CNOT2: variants seen among roughly 807,000 people sequenced by gnomAD.
CNOT2 encodes the protein CC chemokine receptor 4-negative regulator of transcription 2.
CNOT2 carries 7 observed loss-of-function variants against 72.1 expected under a neutral mutation model. The ratio of observed to expected loss-of-function variants is 0.10; its 90% CI spans 0.06 to 0.18. The LOEUF (loss-of-function observed/expected upper bound fraction) is 0.18. CNOT2 is among the 10% of genes least tolerant of loss of function. The pLI, the probability that CNOT2 is intolerant of heterozygous loss-of-function variation, is 1.00. For synonymous variants in CNOT2, 196 were observed against 225.6 expected, an observed-to-expected ratio of 0.87 and a Z score of 1.17; for missense variants, 345 against 660.3, an observed-to-expected ratio of 0.52 and a Z score of 5.23.
At chr12:70,332,618 TAAAG>T (rs1880125028) in intron 6 of CNOT2, 145 bp from the exon 7 acceptor site, 1 of 1,150,344 alleles carries the variant, frequency 8.7e-7, no homozygotes, top group African/African-American at 1.6e-5. Flanking sequence ...CAAGTAAAGA[TAAAG>T]AATAGATTCA....
intron 1 of CNOT2, among the ~76,000 whole-genome samples, chr12:70,255,650 A>G (rs1958401399): frequency 6.6e-6 from 1 of 152,130 alleles, no homozygotes; most frequent in South Asian, 2.1e-4. Flanking sequence ...TATTTGTTGT[A>G]TGTGCTGATT....
chr12:70,266,328 G>A (rs1017948285), intron 1 of CNOT2, among the ~76,000 whole-genome samples: 13 of 152,174 alleles, frequency 8.5e-5, no homozygotes, highest in Admixed American at 2.0e-4. Flanking sequence ...TCTCCATGTT[G>A]GTCAGACTTG....
chr12:70,327,917 C>G (rs1051341856), intron 4 of CNOT2, among the ~76,000 whole-genome samples: 1 of 151,878 alleles, frequency 6.6e-6, no homozygotes, highest in African/African-American at 2.4e-5. Flanking sequence ...CTGAAGAAAT[C>G]TTAAGCAAGC....
chr12:70,267,952 A>G (rs1052302769), intron 1 of CNOT2, among the ~76,000 whole-genome samples: 1 of 152,262 alleles, frequency 6.6e-6, no homozygotes, highest in African/African-American at 2.4e-5. Flanking sequence ...TAGGCTTGTG[A>G]AACTTGAAAT....
intron 1 of CNOT2, among the ~76,000 whole-genome samples, chr12:70,262,222 T>C (rs923286668): frequency 1.3e-5 from 2 of 152,214 alleles, no homozygotes; most frequent in Non-Finnish European, 2.9e-5. Context: ...TCATCTTTAT[T>C]ATATCCATTG....
chr12:70,334,661 A>G (rs778598304), intron 7 of CNOT2: 21 of 152,144 alleles, frequency 1.4e-4, no homozygotes, highest in Admixed American at 9.2e-4. Flanking sequence ...GATGATTAAA[A>G]TAGACAAAGT....
intron 4 of CNOT2, chr12:70,321,745 T>G (rs141420031): frequency 1.3e-5 from 2 of 151,560 alleles, no homozygotes; most frequent in Non-Finnish European, 2.9e-5. Context: ...GGAAGAGATA[T>G]AGAAGGAAGA....
rs529433652 is a variant in CNOT2 at position 70,317,611 on chromosome 12, A to ATTT, written c.172-1664_172-1662dup. 5.3e-3 allele frequency among the ~76,000 whole-genome samples: 560 copies of ATTT among 105,412 alleles called. 6 individuals are homozygous for ATTT. The highest frequency in any genetic ancestry group is 0.02 in the African/African-American group (535 of 26,790). 69.2% of individuals were successfully genotyped at this position (105,412 alleles called of 152,430 possible). ...TGGGAGGGAATATTTATAAGGTTTG[A>ATTT]TTTTTTTTTTTTTTTTTTTTTTTTT... On this transcript the variant is annotated intron_variant, in intron 3 of 15. Coordinates refer to ENST00000229195, the MANE Select transcript of CNOT2 (RefSeq NM_014515.7).
At chr12:70,305,873 G>GTTTTTTTTTTTTTTTTTTTTTTTGTTTTT (rs11412509) in intron 2 of CNOT2, among the ~76,000 whole-genome samples, 1 of 60,070 alleles carries the variant, frequency 1.7e-5, no homozygotes, top group Non-Finnish European at 3.0e-5. Context: ...TCTGAAGTTT[G>GTTTTTTTTTTTTTTTTTTTTTTTGTTTTT]TTTTTTTTTT....
intron 1 of CNOT2, among the ~76,000 whole-genome samples, chr12:70,267,866 C>T (rs560511982): frequency 7.2e-5 from 11 of 152,388 alleles, no homozygotes; most frequent in African/African-American, 2.6e-4. Flanking sequence ...AATACTGCCA[C>T]ATTTGTTAGT....
intron 1 of CNOT2, among the ~76,000 whole-genome samples, chr12:70,268,653 G>T (rs1959163753): frequency 6.6e-6 from 1 of 151,784 alleles, no homozygotes; most frequent in Non-Finnish European, 1.5e-5. Context: ...TAGTGATGGG[G>T]TCTCACTATG....
chr12:70,315,111 T>G (rs1877110850), intron 3 of CNOT2, among the ~76,000 whole-genome samples: 3 of 151,958 alleles, frequency 2.0e-5, no homozygotes, highest in Admixed American at 2.0e-4. Flanking sequence ...GGATCTGCCC[T>G]CCTCAGCCTC....
intron 3 of CNOT2, among the ~76,000 whole-genome samples, chr12:70,314,726 C>A (rs1877022454): frequency 6.6e-6 from 1 of 152,020 alleles, no homozygotes; most frequent in Admixed American, 6.6e-5. Flanking sequence ...TTTGAAATAC[C>A]TAGTAGATGC....
intron 2 of CNOT2, among the ~76,000 whole-genome samples, chr12:70,309,922 T>C (rs1380496868): frequency 6.6e-6 from 1 of 152,032 alleles, no homozygotes; most frequent in African/African-American, 2.4e-5. Context: ...TCTGCATCTG[T>C]GGGTCAACCA....
At chr12:70,335,417 G>C (rs1235312321) in intron 7 of CNOT2, 21 bp from the exon 8 acceptor site, 3 of 1,548,424 alleles carry the variant, frequency 1.9e-6, no homozygotes, top group Non-Finnish European at 2.7e-6. Context: ...TCAATAACCA[G>C]TGTCCTTTCT....
intron 6 of CNOT2, chr12:70,332,510 A>G: frequency 3.0e-6 from 1 of 338,786 alleles, no homozygotes; most frequent in Non-Finnish European, 4.7e-6. Context: ...TGTTTTCCTC[A>G]AGGTTCATAT....
At chr12:70,308,555 T>TTCGC (rs779035737) in intron 2 of CNOT2, among the ~76,000 whole-genome samples, 1 of 134,256 alleles carries the variant, frequency 7.4e-6, no homozygotes, top group Non-Finnish European at 1.6e-5. Context: ...TTGGTATATT[T>TTCGC]TCTCTCTCTC....
intron 11 of CNOT2, among the ~76,000 whole-genome samples, chr12:70,341,126 T>C (rs1565831108): frequency 6.6e-6 from 1 of 152,080 alleles, no homozygotes; most frequent in African/African-American, 2.4e-5. Context: ...TTTCAAGTGG[T>C]CTGCCCACCT....
intron 1 of CNOT2, among the ~76,000 whole-genome samples, chr12:70,264,884 C>G (rs1958946773): frequency 6.6e-6 from 1 of 152,038 alleles, no homozygotes; most frequent in African/African-American, 2.4e-5. Context: ...TAGAACACTC[C>G]CCAGAGCACT....
Sources: allele counts gnomAD v4.1 joint callset (sites outside exome capture counted in the v4.1 genomes callset), GRCh38; gene constraint gnomAD v4.1.1; transcripts MANE v1.5; gene names NCBI Gene and HGNC (gene_info 2026-07-23, HGNC 2026-07-21).